Variants in PTBP2 observed in about 807,000 individuals in gnomAD.
The protein encoded by PTBP2 is polypyrimidine tract binding protein 2.
PTBP2 carries 13 observed loss-of-function variants against 61.4 expected under a neutral mutation model. The ratio of observed to expected loss-of-function variants is 0.21; its 90% CI spans 0.14 to 0.34. The LOEUF (loss-of-function observed/expected upper bound fraction) is 0.34, where lower values mean the gene tolerates loss of function less well. Ranked by LOEUF, PTBP2 falls within the 10% of genes least tolerant of loss-of-function variation. The pLI is 1.00. For synonymous variants in PTBP2, 215 were observed against 218.5 expected (o/e 0.98, Z 0.14); for missense variants, 405 against 642.6 (o/e 0.63, Z 4.00).
At chr1:96,801,237 G>A (rs1279751488) in intron 8 of PTBP2, among the ~76,000 whole-genome samples, 1 of 152,018 alleles carries the variant, frequency 6.6e-6, no homozygotes, top group Admixed American at 6.6e-5. Context: ...GTTTGGGAGT[G>A]TCAATTAACT....
intron 3 of PTBP2, among the ~76,000 whole-genome samples, chr1:96,759,036 C>A (rs1299521107): frequency 6.6e-6 from 1 of 152,050 alleles, no homozygotes; most frequent in African/African-American, 2.4e-5. Flanking sequence ...TTTAAAAAAT[C>A]TGTTTATAAA....
At chr1:96,785,770 A>T (rs1659146030) in intron 8 of PTBP2, among the ~76,000 whole-genome samples, 1 of 152,170 alleles carries the variant, frequency 6.6e-6, no homozygotes, top group Non-Finnish European at 1.5e-5. Flanking sequence ...TTTAAACTAG[A>T]AGAAATTTTC....
At chr1:96,749,551 G>A (rs1654275338) in intron 2 of PTBP2, 22 of 426,142 alleles carry the variant, frequency 5.2e-5, no homozygotes, top group South Asian at 3.3e-4. Context: ...CTGGACTTCT[G>A]TGGATTTATG....
At chr1:96,731,321 T>A (rs546086844) in intron 2 of PTBP2, among the ~76,000 whole-genome samples, 1 of 152,180 alleles carries the variant, frequency 6.6e-6, no homozygotes, top group South Asian at 2.1e-4. Flanking sequence ...TTCCATACCC[T>A]TGGCAATTCT....
intron 2 of PTBP2, among the ~76,000 whole-genome samples, chr1:96,725,845 C>G (rs112114849): frequency 2.6e-5 from 4 of 151,520 alleles, no homozygotes; most frequent in Admixed American, 6.6e-5. Context: ...TTTGGGAGGC[C>G]GAGGCGGGCG....
intron 7 of PTBP2, among the ~76,000 whole-genome samples, chr1:96,779,870 T>G (rs540603537): frequency 6.6e-6 from 1 of 151,886 alleles, no homozygotes; most frequent in Non-Finnish European, 1.5e-5. Context: ...TCACATAATA[T>G]TACATAATCT....
At chr1:96,811,934 A>G (rs938690711) in intron 11 of PTBP2, among the ~76,000 whole-genome samples, 2 of 152,166 alleles carry the variant, frequency 1.3e-5, no homozygotes, top group Admixed American at 1.3e-4. Flanking sequence ...ACACTGCACT[A>G]TGTTCTGGGG....
intron 8 of PTBP2, among the ~76,000 whole-genome samples, chr1:96,787,203 G>A (rs1170715532): frequency 6.6e-6 from 1 of 151,896 alleles, no homozygotes; most frequent in Non-Finnish European, 1.5e-5. Flanking sequence ...GTCTTTTTTC[G>A]TAGAGATGAG....
At chr1:96,792,136 C>T (rs1659915391) in intron 8 of PTBP2, among the ~76,000 whole-genome samples, 1 of 152,118 alleles carries the variant, frequency 6.6e-6, no homozygotes, top group Non-Finnish European at 1.5e-5. Context: ...CGCGCCTAGC[C>T]TGCTTAGAGT....
At chr1:96,751,166 T>G in intron 2 of PTBP2, 1 of 483,652 alleles carries the variant, frequency 2.1e-6, no homozygotes, top group East Asian at 4.3e-5. Context: ...CCAAAGCTTT[T>G]GCTTATAGAA....
chr1:96,737,474 C>T (rs539998761), intron 2 of PTBP2, among the ~76,000 whole-genome samples: 1 of 146,790 alleles, frequency 6.8e-6, no homozygotes, highest in South Asian at 2.1e-4. Flanking sequence ...CAAAAGAAGG[C>T]AAAAAAAAAG....
At chr1:96,817,214 CAT>C (rs1662520802), downstream of PTBP2, 2 of 152,194 alleles carry the variant, frequency 1.3e-5, no homozygotes, top group Admixed American at 1.3e-4. Context: ...GGAAGAAAGA[CAT>C]ACTCTCATGA....
At chr1:96,770,911 A>T in intron 5 of PTBP2, 60 bp downstream of exon 5, 4 of 1,387,610 alleles carry the variant, frequency 2.9e-6, no homozygotes, top group Non-Finnish European at 4.0e-6. Flanking sequence ...TCTCATAAAC[A>T]TTAATAGGAA....
At position 96,769,621 on chromosome 1, in the gene PTBP2, T is replaced by C. The variant is rs531865117; in HGVS notation, c.116-82T>C. On this transcript the variant is annotated intron_variant, in intron 3 of 13. Transcript: ENST00000674951. ...ATGTTTTTAAGTTCTTTTTGGAAAT[T>C]TGTAGTTTTTTTACACAAATAGGAA... 9,556 of 1,038,356 alleles carry C rather than the reference T, an allele frequency of 9.2e-3. 68 individuals are homozygous for C. The highest frequency in any genetic ancestry group is 0.026 in the Middle Eastern group (78 of 2,978). The allele number at this position is 1,038,356 out of a possible 1,614,324, so 64.3% of individuals were successfully genotyped here. A position where few individuals can be genotyped will look rare whatever the true frequency, so the allele number is the denominator to read the frequency against.
At chr1:96,802,324 C>G (rs1178725464) in intron 8 of PTBP2, among the ~76,000 whole-genome samples, 4 of 151,012 alleles carry the variant, frequency 2.6e-5, no homozygotes, top group African/African-American at 9.7e-5. Flanking sequence ...AACTTTTTCA[C>G]TGTGGGATAC....
At chr1:96,779,429 G>A (rs1658401921) in intron 7 of PTBP2, among the ~76,000 whole-genome samples, 1 of 150,996 alleles carries the variant, frequency 6.6e-6, no homozygotes, top group African/African-American at 2.5e-5. Context: ...GGATTATACT[G>A]TGTTTGAGCT....
chr1:96,723,724 T>G, intron 2 of PTBP2, 130 bp downstream of exon 2: 1 of 755,790 alleles, frequency 1.3e-6, no homozygotes, highest in Non-Finnish European at 2.1e-6. Flanking sequence ...TTCCTTTCAT[T>G]TGTAAAGTTG....
At chr1:96,739,982 T>G (rs1327135495) in intron 2 of PTBP2, among the ~76,000 whole-genome samples, 1 of 152,028 alleles carries the variant, frequency 6.6e-6, no homozygotes, top group East Asian at 1.9e-4. Flanking sequence ...GTGGAGCATT[T>G]TGGATTTTAG....
At chr1:96,761,784 C>T (rs376369748) in intron 3 of PTBP2, among the ~76,000 whole-genome samples, 2 of 151,580 alleles carry the variant, frequency 1.3e-5, no homozygotes, top group African/African-American at 2.4e-5. Flanking sequence ...GTGTTTCTCG[C>T]AGAGGGGGAT....
Sources: allele counts gnomAD v4.1 joint callset (sites outside exome capture counted in the v4.1 genomes callset), GRCh38; gene constraint gnomAD v4.1.1; transcripts MANE v1.5; gene names NCBI Gene and HGNC (gene_info 2026-07-23, HGNC 2026-07-21).